The following SOX5 variants were observed in gnomAD, a reference collection of about 807,000 sequenced individuals.
The protein encoded by SOX5 is SRY-box transcription factor 5.
A neutral mutation model predicts 92.0 loss-of-function variants in SOX5; 9 were observed. The observed-to-expected ratio is 0.10, with a 90% CI of 0.06 to 0.17. The LOEUF is 0.17. SOX5 is among the 10% of genes least tolerant of loss of function. The pLI is 1.00. For synonymous variants in SOX5, 344 were observed against 336.3 expected, an observed-to-expected ratio of 1.02 and a Z score of -0.25; for missense variants, 642 against 944.5, an observed-to-expected ratio of 0.68 and a Z score of 4.20.
intron 6 of SOX5, among the ~76,000 whole-genome samples, chr12:23,720,667 T>G (rs924550296): frequency 6.6e-6 from 1 of 152,196 alleles, no homozygotes; most frequent in Non-Finnish European, 1.5e-5. Context: ...TGTTAAAGTT[T>G]TTTATATGTA....
intron 3 of SOX5, among the ~76,000 whole-genome samples, chr12:23,788,423 G>A (rs1478336125): frequency 2.6e-5 from 4 of 151,732 alleles, no homozygotes; most frequent in Non-Finnish European, 5.9e-5. Context: ...CTCATTAATG[G>A]AACACTTGAT....
intron 7 of SOX5, among the ~76,000 whole-genome samples, chr12:23,643,976 T>C (rs755246872): frequency 6.6e-6 from 1 of 152,136 alleles, no homozygotes; most frequent in Non-Finnish European, 1.5e-5. Flanking sequence ...GCCCCTAAGA[T>C]AGAACCTCCA....
At chr12:24,507,907 T>G (rs1423794438) in intron 1 of SOX5, among the ~76,000 whole-genome samples, 2 of 152,246 alleles carry the variant, frequency 1.3e-5, no homozygotes, top group Non-Finnish European at 2.9e-5. Context: ...TAATTTTTTT[T>G]TTAGTTTTAC....
At chr12:24,445,545 T>A (rs1189427693) in intron 1 of SOX5, among the ~76,000 whole-genome samples, 1 of 152,190 alleles carries the variant, frequency 6.6e-6, no homozygotes, top group Admixed American at 6.5e-5. Context: ...GAATACATAA[T>A]TTTATTATAT....
At chr12:24,437,326 A>G (rs900739219) in intron 1 of SOX5, among the ~76,000 whole-genome samples, 8 of 152,194 alleles carry the variant, frequency 5.3e-5, no homozygotes, top group Non-Finnish European at 1.2e-4. Context: ...TAACTCAAGA[A>G]GGATTAAAGA....
At chr12:23,769,545 C>T (rs936211988) in intron 3 of SOX5, among the ~76,000 whole-genome samples, 1 of 152,262 alleles carries the variant, frequency 6.6e-6, no homozygotes, top group South Asian at 2.1e-4. Flanking sequence ...TGGACACCTA[C>T]AATTTACTAA....
chr12:24,210,840 T>A (rs909059089), intron 4 of SOX5, among the ~76,000 whole-genome samples: 3 of 152,204 alleles, frequency 2.0e-5, no homozygotes, highest in African/African-American at 7.2e-5. Flanking sequence ...CATTATTAAA[T>A]CTATTTTTAC....
chr12:24,212,809 A>G (rs1958774051), intron 4 of SOX5, among the ~76,000 whole-genome samples: 1 of 152,234 alleles, frequency 6.6e-6, no homozygotes, highest in Non-Finnish European at 1.5e-5. Flanking sequence ...CTCTCATTTC[A>G]TACATGGTAG....
chr12:23,545,641 G>T (rs1000890624), intron 12 of SOX5, among the ~76,000 whole-genome samples: 2 of 152,078 alleles, frequency 1.3e-5, no homozygotes, highest in Admixed American at 1.3e-4. Flanking sequence ...TCGTGGAAAT[G>T]TCCTCTGAGC....
At chr12:24,281,676 G>T (rs1489012682) in intron 2 of SOX5, among the ~76,000 whole-genome samples, 1 of 152,196 alleles carries the variant, frequency 6.6e-6, no homozygotes, top group Non-Finnish European at 1.5e-5. Flanking sequence ...TTTTAAAATT[G>T]CCAATCAATA....
chr12:24,415,798 G>A (rs1964921188), intron 1 of SOX5, among the ~76,000 whole-genome samples: 1 of 152,178 alleles, frequency 6.6e-6, no homozygotes, highest in African/African-American at 2.4e-5. Context: ...ATGAGGTGGA[G>A]AAAACAAAGT....
chr12:24,161,149 G>A (rs1020222679), intron 4 of SOX5, among the ~76,000 whole-genome samples: 3 of 152,120 alleles, frequency 2.0e-5, no homozygotes, highest in African/African-American at 7.2e-5. Context: ...TGCCTGAAAG[G>A]CAGTGGTAGA....
At chr12:24,172,706 C>A (rs1056997021) in intron 4 of SOX5, among the ~76,000 whole-genome samples, 1 of 152,086 alleles carries the variant, frequency 6.6e-6, no homozygotes, top group African/African-American at 2.4e-5. Context: ...CAGAAAGATG[C>A]AGAAAGTTAC....
chr12:24,518,052 A>C (rs1269020477), intron 1 of SOX5, among the ~76,000 whole-genome samples: 1 of 145,100 alleles, frequency 6.9e-6, no homozygotes, highest in Non-Finnish European at 1.5e-5. Flanking sequence ...TATTAATCAA[A>C]AATTTTATTA....
chr12:23,622,780 T>C (rs554288235), intron 8 of SOX5, among the ~76,000 whole-genome samples: 16 of 152,158 alleles, frequency 1.1e-4, no homozygotes, highest in Non-Finnish European at 1.9e-4. Flanking sequence ...ATTATTACTA[T>C]TATTTTATTG....
chr12:24,261,080 TTA>T (rs1942015133), intron 3 of SOX5, among the ~76,000 whole-genome samples: 1 of 152,208 alleles, frequency 6.6e-6, no homozygotes, highest in African/African-American at 2.4e-5. Context: ...TATAAAATGC[TTA>T]TGAGTGTTCA....
chr12:24,139,055 C>A (rs1950344366), intron 4 of SOX5, among the ~76,000 whole-genome samples: 1 of 152,150 alleles, frequency 6.6e-6, no homozygotes, highest in African/African-American at 2.4e-5. Flanking sequence ...AACTGCTCAG[C>A]TGCAACTGTT....
intron 3 of SOX5, among the ~76,000 whole-genome samples, chr12:23,815,387 T>C (rs903238035): frequency 6.6e-6 from 1 of 152,194 alleles, no homozygotes; most frequent in African/African-American, 2.4e-5. Flanking sequence ...TCTATTCCGA[T>C]GTACCAACAA....
At chr12:23,551,472 T>G (rs1392046388) in intron 11 of SOX5, among the ~76,000 whole-genome samples, 1 of 151,876 alleles carries the variant, frequency 6.6e-6, no homozygotes, top group Non-Finnish European at 1.5e-5. Flanking sequence ...TTGTAAGTTA[T>G]GTATAAATGA....
Sources: gnomAD v4.1 joint callset for allele counts (sites outside exome capture counted in the v4.1 genomes callset) on GRCh38, gnomAD v4.1.1 for gene constraint, MANE v1.5 for transcripts, NCBI Gene and HGNC (gene_info 2026-07-23, HGNC 2026-07-21) for gene names.